Variants in MCCC2 observed in about 807,000 individuals in gnomAD.
MCCC2 encodes methylcrotonyl-CoA carboxylase subunit 2.
Under a neutral mutation model 77.2 loss-of-function variants are expected in MCCC2, and 52 were observed. That is an observed-to-expected ratio of 0.67 (90% confidence interval 0.54 to 0.85). The LOEUF is 0.85. MCCC2 is among the 40% of genes least tolerant of loss of function. The pLI is 0.00. For missense variants in MCCC2, 682 were observed against 703.2 expected, an observed-to-expected ratio of 0.97 and a Z score of 0.34; for synonymous variants, 253 against 248.4, an observed-to-expected ratio of 1.02 and a Z score of -0.18.
intron 6 of MCCC2, among the ~76,000 whole-genome samples, chr5:71,610,067 G>T (rs191312895): frequency 0.025 from 3,813 of 152,362 alleles, 72 homozygotes; most frequent in South Asian, 0.073. Flanking sequence ...GAGGCAGGCA[G>T]GCCTCCTTGA....
At position 71,587,538 on chromosome 5, in the gene MCCC2, G is replaced by A. The variant is rs1160233617; in HGVS notation, c.113G>A (p.Gly38Asp). Residue 38 changes from glycine to aspartate, a missense_variant, in exon 1 of 17, where the codon GGC becomes GAC. Physicochemically the swap from Gly to Asp is moderately conservative, Grantham distance 94 (BLOSUM62 -1). Transcript: ENST00000340941. Reference protein sequence around the residue: ...VASLGTQPDLGSALYQENYKQ... With the variant: ...VASLGTQPDLDSALYQENYKQ... ...TCGCTGGGCACCCAGCCGGACTTGG[G>A]CTCTGCCCTCTACCAGGTAGGCTGA... 2 of 1,537,924 alleles carry A rather than the reference G, an allele frequency of 1.3e-6. No homozygotes were observed. The highest frequency in any genetic ancestry group is 8.7e-7 in the Non-Finnish European group (1 of 1,146,266).
intron 4 of MCCC2, among the ~76,000 whole-genome samples, chr5:71,600,163 CA>C (rs972701248): frequency 2.9e-5 from 4 of 137,904 alleles, no homozygotes; most frequent in Non-Finnish European, 4.7e-5. Context: ...GACTCCGTCT[CA>C]AAAAAAAAAC....
chr5:71,656,666 G>T, intron 16 of MCCC2, 77 bp from the exon 17 acceptor site: 2 of 1,124,966 alleles, frequency 1.8e-6, no homozygotes, highest in Non-Finnish European at 2.7e-6. Context: ...AAACTTCCTT[G>T]GCATTTCTGC....
intron 10 of MCCC2, among the ~76,000 whole-genome samples, chr5:71,637,875 G>A (rs1746983956): frequency 6.6e-6 from 1 of 152,046 alleles, no homozygotes; most frequent in African/African-American, 2.4e-5. Context: ...ACTGCGCCTG[G>A]CTAATTTTTT....
chr5:71,593,268 T>A (rs1357260735), intron 2 of MCCC2, among the ~76,000 whole-genome samples: 2 of 151,888 alleles, frequency 1.3e-5, no homozygotes, highest in Non-Finnish European at 2.9e-5. Flanking sequence ...TTGTATTTTT[T>A]AAATAGAGAC....
intron 11 of MCCC2, among the ~76,000 whole-genome samples, chr5:71,643,149 A>C (rs1747173965): frequency 6.6e-6 from 1 of 152,110 alleles, no homozygotes; most frequent in Non-Finnish European, 1.5e-5. Context: ...TTGGGAGGCC[A>C]AGGTGGGAGG....
intron 12 of MCCC2, 146 bp downstream of exon 12, chr5:71,644,041 G>GTA: frequency 8.0e-6 from 5 of 622,660 alleles, no homozygotes; most frequent in Non-Finnish European, 5.6e-6. Flanking sequence ...GCATGTGTGT[G>GTA]TGTGTGTGTG....
At chr5:71,618,198 G>T (rs1003174225) in intron 6 of MCCC2, among the ~76,000 whole-genome samples, 2 of 152,152 alleles carry the variant, frequency 1.3e-5, no homozygotes, top group African/African-American at 4.8e-5. Flanking sequence ...AAGTTTATGT[G>T]TTGGAAATGT....
chr5:71,646,187 G>T (rs370962338), intron 12 of MCCC2, 24 bp from the exon 13 acceptor site: 9 of 1,604,558 alleles, frequency 5.6e-6, no homozygotes, highest in Admixed American at 5.0e-5. Flanking sequence ...CTTTTAAAAA[G>T]ATTTTTATGT....
intron 11 of MCCC2, among the ~76,000 whole-genome samples, chr5:71,642,600 G>T (rs1747155958): frequency 1.3e-5 from 2 of 152,226 alleles, no homozygotes; most frequent in Admixed American, 6.5e-5. Flanking sequence ...TAACAGGGTT[G>T]CGCATTTGCA....
At chr5:71,652,499 T>C (rs1281059537) in intron 15 of MCCC2, among the ~76,000 whole-genome samples, 170 bp from the exon 16 acceptor site, 1 of 152,242 alleles carries the variant, frequency 6.6e-6, no homozygotes, top group Admixed American at 6.5e-5. Context: ...AACTTGATAC[T>C]CATGTCTTAG....
intron 6 of MCCC2, among the ~76,000 whole-genome samples, chr5:71,615,549 C>T (rs1246560103): frequency 1.3e-5 from 2 of 152,102 alleles, no homozygotes; most frequent in Non-Finnish European, 2.9e-5. Context: ...ACTTTTGAAC[C>T]TCGGGGGTTC....
intron 6 of MCCC2, among the ~76,000 whole-genome samples, chr5:71,616,602 A>G (rs1561834059): frequency 1.3e-5 from 2 of 152,336 alleles, no homozygotes; most frequent in Non-Finnish European, 2.9e-5. Flanking sequence ...GACATTGAAC[A>G]CATTAACTTC....
At chr5:71,628,591 A>G (rs779815468) in intron 7 of MCCC2, among the ~76,000 whole-genome samples, 4 of 152,170 alleles carry the variant, frequency 2.6e-5, no homozygotes, top group Non-Finnish European at 4.4e-5. Flanking sequence ...GCATTGCTCT[A>G]TATGTGGATA....
In MCCC2 at chr5:71,596,377, C is replaced by G; in HGVS notation, c.281+13C>G. 2 of 1,604,082 alleles carry G rather than the reference C, an allele frequency of 1.2e-6. No homozygotes were observed. Among genetic ancestry groups the G allele is most frequent in the Non-Finnish European group, 1.7e-6 (2 of 1,170,926 alleles). On this transcript the variant is annotated intron_variant, in intron 3 of 16. Coordinates refer to ENST00000340941, the MANE Select transcript of MCCC2 (RefSeq NM_022132.5). ...TCATAGACCCAGGGTGCGTACATAG[C>G]CAAGTACTGACTCAGAGTGTTCTCT... is the stretch of plus-strand genomic sequence containing the variant.
In MCCC2 at chr5:71,590,112, AC is replaced by A. The variant is rs1248506042; in HGVS notation, c.129+2559del. Among the ~76,000 whole-genome samples, 5 of 65,608 alleles carry A rather than the reference AC, an allele frequency of 7.6e-5. No individual in the cohort carries two copies. The East Asian group carries it at 4.4e-3, about 58-fold the overall frequency. 43.0% of individuals were successfully genotyped at this position (65,608 alleles called of 152,430 possible). ...ATGTTGTTTCGCAGGTGATTAAAACACACACACACACACACACAAACACAAA... is the reference window on the plus strand; with the variant it reads ...ATGTTGTTTCGCAGGTGATTAAAACAACACACACACACACACAAACACAAA... On this transcript the variant is annotated intron_variant, in intron 1 of 16. Coordinates refer to ENST00000340941, the MANE Select transcript of MCCC2 (RefSeq NM_022132.5).
chr5:71,626,636 C>T lies in MCCC2; in HGVS notation c.625-4C>T. The T allele has an allele frequency of 1.2e-6, 2 of 1,612,222 alleles. No homozygotes were observed. Among genetic ancestry groups the T allele is most frequent in the South Asian group, 1.1e-5 (1 of 91,032 alleles). On this transcript the variant is annotated splice_region_variant and splice_polypyrimidine_tract_variant and intron_variant, in intron 6 of 16. Coordinates refer to ENST00000340941, the MANE Select transcript of MCCC2 (RefSeq NM_022132.5). ...CATGTGTTTGTCGTGTGCTTGGATT[C>T]CAGATCGCAGTGGTCATGGGCTCCT...
Position 71,626,750 on chromosome 5 carries a change from C to T in MCCC2, c.735C>T (p.Pro245=), listed in dbSNP as rs774442931. The T allele has an allele frequency of 1.2e-6, 2 of 1,613,844 alleles. No homozygotes were observed. The highest frequency in any genetic ancestry group is 1.7e-6 in the Non-Finnish European group (2 of 1,179,794). ...GTACCATTTTCTTGGCAGGACCCCC[C>T]TTGGTAAGAACATAAGAACGTTGGT... ...KQGTIFLAGP[P]LVKAATGEEV... Residue 245 remains proline (P), a synonymous_variant, in exon 7 of 17, where the codon CCC becomes CCT. Transcript: ENST00000340941.
intron 6 of MCCC2, among the ~76,000 whole-genome samples, chr5:71,623,061 A>G (rs1746408143): frequency 6.6e-6 from 1 of 152,264 alleles, no homozygotes; most frequent in African/African-American, 2.4e-5. Flanking sequence ...CATCTCTGGA[A>G]TAGTTGAACA....
Sources: gnomAD v4.1 joint callset for allele counts (sites outside exome capture counted in the v4.1 genomes callset) on GRCh38, gnomAD v4.1.1 for gene constraint, MANE v1.5 for transcripts, NCBI Gene and HGNC (gene_info 2026-07-23, HGNC 2026-07-21) for gene names.